Variants in PIK3C2G observed in about 807,000 individuals in gnomAD.
The protein encoded by PIK3C2G is phosphatidylinositol 3-kinase C2 domain-containing subunit gamma.
PIK3C2G carries 168 observed loss-of-function variants against 181.1 expected under a neutral mutation model. That is an observed-to-expected ratio of 0.93 (90% confidence interval 0.82 to 1.05). PIK3C2G has a LOEUF of 1.05. Ranked by LOEUF, PIK3C2G falls within the 50% of genes least tolerant of loss-of-function variation. The probability of loss-of-function intolerance (pLI) is 0.00; values close to 1 mark genes in which losing one functional copy is unlikely to be tolerated. For synonymous variants in PIK3C2G, 573 were observed against 592.2 expected, an observed-to-expected ratio of 0.97 and a Z score of 0.47; for missense variants, 1,869 against 1,732.8, an observed-to-expected ratio of 1.08 and a Z score of -1.40.
At chr12:18,370,912 G>C (rs1638717737) in intron 12 of PIK3C2G, among the ~76,000 whole-genome samples, 1 of 152,082 alleles carries the variant, frequency 6.6e-6, no homozygotes, top group Admixed American at 6.6e-5. Flanking sequence ...AACAGCTTAA[G>C]AGTAAATGTT....
At chr12:18,510,683 C>G (rs560631962) in intron 24 of PIK3C2G, among the ~76,000 whole-genome samples, 1 of 152,164 alleles carries the variant, frequency 6.6e-6, no homozygotes, top group South Asian at 2.1e-4. Context: ...TGGAGACAGA[C>G]TATGTGTTTT....
chr12:18,411,957 T>A (rs1944889253), intron 16 of PIK3C2G, among the ~76,000 whole-genome samples: 2 of 151,926 alleles, frequency 1.3e-5, no homozygotes, highest in Admixed American at 1.3e-4. Flanking sequence ...GGGGAGAAAA[T>A]CTAAAAAAGG....
intron 15 of PIK3C2G, among the ~76,000 whole-genome samples, chr12:18,398,611 G>T (rs1021492961): frequency 6.6e-6 from 1 of 152,114 alleles, no homozygotes; most frequent in Non-Finnish European, 1.5e-5. Context: ...TTGAACTGTG[G>T]TTCTGAATAC....
At chr12:18,268,017 T>A (rs542262221) in intron 1 of PIK3C2G, among the ~76,000 whole-genome samples, 1 of 152,324 alleles carries the variant, frequency 6.6e-6, no homozygotes, top group East Asian at 1.9e-4. Context: ...ATCAACCTTT[T>A]TAGGGCGGTG....
intron 18 of PIK3C2G, among the ~76,000 whole-genome samples, chr12:18,457,060 C>A (rs1488900325): frequency 6.6e-6 from 1 of 151,674 alleles, no homozygotes; most frequent in African/African-American, 2.4e-5. Context: ...AATACAAGTA[C>A]AATGGAAACA....
chr12:18,602,870 C>A (rs1035515232), intron 30 of PIK3C2G, among the ~76,000 whole-genome samples: 6 of 152,168 alleles, frequency 3.9e-5, no homozygotes, highest in African/African-American at 1.4e-4. Flanking sequence ...AAAATCTGAA[C>A]AACATCCTTC....
intron 31 of PIK3C2G, among the ~76,000 whole-genome samples, chr12:18,616,990 C>T (rs1239794023): frequency 6.6e-6 from 1 of 152,076 alleles, no homozygotes; most frequent in African/African-American, 2.4e-5. Flanking sequence ...GGCAGTCACG[C>T]AATTCCTGAA....
chr12:18,292,224 A>T (rs1290671265), intron 4 of PIK3C2G, among the ~76,000 whole-genome samples: 8,407 of 105,814 alleles, frequency 0.079, 926 homozygotes, highest in Non-Finnish European at 0.11. Flanking sequence ...AAAAAAAAAA[A>T]AAAATATATA....
intron 9 of PIK3C2G, 145 bp downstream of exon 9, chr12:18,338,693 G>C: frequency 3.3e-6 from 2 of 612,272 alleles, no homozygotes; most frequent in Middle Eastern, 4.6e-4. Context: ...GTGTGTGTGT[G>C]TGTGTGTGTG....
In PIK3C2G at chr12:18,321,040, AT is replaced by A; in HGVS notation, c.1208+12del. On this transcript the variant is annotated intron_variant, in intron 7 of 32. Transcript: ENST00000538779. Reference sequence around the variant, plus strand: ...TATTTGGAAAGTATCCAGGTAAGATATTTTATATTTGTTCCAAGACTACTTT... The same window carrying A: ...TATTTGGAAAGTATCCAGGTAAGATATTTATATTTGTTCCAAGACTACTTT... 1.5e-6 allele frequency: 2 copies of A among 1,376,024 alleles called. No homozygotes were observed. Among genetic ancestry groups the A allele is most frequent in the Non-Finnish European group, 2.0e-6 (2 of 978,760 alleles). 85.2% of individuals were successfully genotyped at this position (1,376,024 alleles called of 1,614,324 possible). A position where few individuals can be genotyped will look rare whatever the true frequency, so the allele number is the denominator to read the frequency against.
chr12:18,642,822 GTA>G (rs1491484430), intron 32 of PIK3C2G, among the ~76,000 whole-genome samples: 18 of 146,000 alleles, frequency 1.2e-4, no homozygotes, highest in African/African-American at 4.5e-4. Context: ...GTGTGTGTGT[GTA>G]TAAAATGTAA....
rs551424546 is a variant in PIK3C2G at position 18,475,707 on chromosome 12, A to G, written c.2505-12742A>G. On this transcript the variant is annotated intron_variant, in intron 18 of 32. Coordinates refer to ENST00000538779, the MANE Select transcript of PIK3C2G (RefSeq NM_001288772.2). ...TCTCAAATATAAATTAAGTTTAATC[A>G]GTTTGTAATTAATGTCTACATTAAT... Among the ~76,000 whole-genome samples, 27 of 152,258 alleles carry G rather than the reference A, an allele frequency of 1.8e-4. No individual in the cohort carries two copies. In the South Asian group the frequency reaches 1.9e-3, roughly 11 times the overall value.
intron 24 of PIK3C2G, among the ~76,000 whole-genome samples, chr12:18,533,169 A>G (rs943195978): frequency 4.6e-5 from 7 of 152,116 alleles, no homozygotes; most frequent in African/African-American, 1.7e-4. Context: ...TCATCTTCCC[A>G]GAATCAGAAG....
At chr12:18,311,493 T>C (rs1591914645) in intron 5 of PIK3C2G, among the ~76,000 whole-genome samples, 1 of 151,124 alleles carries the variant, frequency 6.6e-6, no homozygotes, top group Admixed American at 6.6e-5. Flanking sequence ...TCTATATAGA[T>C]AGACACACAC....
At chr12:18,602,137 G>C (rs1285469168) in intron 30 of PIK3C2G, among the ~76,000 whole-genome samples, 2 of 152,018 alleles carry the variant, frequency 1.3e-5, no homozygotes, top group South Asian at 2.1e-4. Flanking sequence ...GGAAAGCTTT[G>C]GGCAACTTTT....
At chr12:18,673,326 T>C in the PIK3C2G span, among the ~76,000 whole-genome samples, 1 of 152,114 alleles carries the variant, frequency 6.6e-6, no homozygotes, top group African/African-American at 2.4e-5. Context: ...GTTATTGAAA[T>C]GAAAATGTGA....
chr12:18,286,901 C>A lies in PIK3C2G; in HGVS notation c.733C>A (p.Leu245Met). Residue 245 changes from leucine (L) to methionine (M), a missense_variant, in exon 3 of 33, where the codon CTG (leucine) becomes ATG (methionine). Transcript: ENST00000538779. ...VEVPQSSNTSLASFCNKVKKI... is the reference protein window; with the variant it reads ...VEVPQSSNTSMASFCNKVKKI... ...AGTACCTCAAAGCAGCAATACGAGT[C>A]TGGCCTCTTTTTGCAACAAAGTAAA... The A allele has an allele frequency of 6.4e-7, 1 of 1,572,706 alleles. No homozygotes were observed. Among genetic ancestry groups the A allele is most frequent in the Non-Finnish European group, 8.6e-7 (1 of 1,158,620 alleles).
intron 24 of PIK3C2G, among the ~76,000 whole-genome samples, chr12:18,533,750 T>C (rs964413534): frequency 2.6e-5 from 4 of 152,016 alleles, no homozygotes; most frequent in Admixed American, 2.0e-4. Context: ...CCTGATTAGA[T>C]TCAATTCACC....
chr12:18,530,155 G>A (rs1943470501), intron 24 of PIK3C2G, among the ~76,000 whole-genome samples: 1 of 152,118 alleles, frequency 6.6e-6, no homozygotes, highest in Admixed American at 6.6e-5. Context: ...TTAAGCAGAT[G>A]ACCATACTTA....
Sources: allele counts gnomAD v4.1 joint callset (sites outside exome capture counted in the v4.1 genomes callset), GRCh38; gene constraint gnomAD v4.1.1; transcripts MANE v1.5; gene names NCBI Gene and HGNC (gene_info 2026-07-23, HGNC 2026-07-21).